Variants in EYS observed in about 807,000 individuals in gnomAD.
EYS encodes protein eyes shut homolog.
In EYS, 250 loss-of-function variants were observed where a neutral mutation model predicts 282.1. That is an observed-to-expected ratio of 0.89 (90% confidence interval 0.80 to 0.98). EYS has a LOEUF of 0.98. Among genes scored for constraint, EYS ranks in the 50% least tolerant of loss-of-function variants. EYS has a pLI of 0.00. For synonymous variants in EYS, 1,355 were observed against 1,282.9 expected (o/e 1.06, Z -1.20); for missense variants, 4,016 against 3,709.0 (o/e 1.08, Z -2.15).
Position 65,366,821 on chromosome 6 carries a change from C to G in EYS, c.1300-13204G>C, listed in dbSNP as rs148694520. 5.9e-3 allele frequency among the ~76,000 whole-genome samples: 889 copies of G among 151,634 alleles called. 17 individuals are homozygous for G. The highest frequency in any genetic ancestry group is 0.02 in the African/African-American group (848 of 41,488). ...GGGAAATCTGTTTCTTTATCTTTTT[C>G]TCAGCTTCTATTGGTAGCCTATATT... On this transcript the variant is annotated intron_variant, in intron 8 of 42. Transcript: ENST00000503581.
chr6:64,848,194 T>C (rs1295550356), intron 19 of EYS, among the ~76,000 whole-genome samples: 2 of 152,034 alleles, frequency 1.3e-5, no homozygotes, highest in Non-Finnish European at 2.9e-5. Flanking sequence ...ACGACAGCTT[T>C]CAATAGATAA....
At chr6:65,575,357 T>TAAATAAATAAATAG (rs1764626520) in intron 2 of EYS, among the ~76,000 whole-genome samples, 1 of 57,460 alleles carries the variant, frequency 1.7e-5, no homozygotes, top group Middle Eastern at 0.012. Context: ...TAAATAAATA[T>TAAATAAATAAATAG]TGATTAAAAG....
intron 24 of EYS, among the ~76,000 whole-genome samples, chr6:64,608,115 T>C (rs1465050667): frequency 2.0e-5 from 3 of 152,174 alleles, no homozygotes; most frequent in African/African-American, 7.2e-5. Context: ...GATATTGCAT[T>C]CAACAGACTG....
At chr6:65,582,849 CA>C (rs746418101) in intron 2 of EYS, among the ~76,000 whole-genome samples, 21 of 152,008 alleles carry the variant, frequency 1.4e-4, no homozygotes, top group Non-Finnish European at 2.6e-4. Flanking sequence ...ATTTTATGGA[CA>C]TTTTTTGTTT....
At position 63,999,175 on chromosome 6, in the gene EYS, G is replaced by A. The variant is rs758769842; in HGVS notation, c.6734C>T (p.Thr2245Met). 3.1e-5 allele frequency: 48 copies of A among 1,550,578 alleles called. 2 individuals are homozygous for A. In the Middle Eastern group the frequency reaches 5.0e-4, roughly 16 times the overall value. ...AFTPITIRYTTPVGSPGVVCM... is the reference protein window; with the variant it reads ...AFTPITIRYTMPVGSPGVVCM... ...AACAACTCCAGGGCTGCCAACAGGC[G>A]TTGTGTAGCTAAACGTAAAACAGAA... The change falls in exon 34 of 43, where the codon ACG becomes ATG. Residue 2245 changes from threonine to methionine, a missense_variant. Transcript: ENST00000503581.
intron 13 of EYS, among the ~76,000 whole-genome samples, chr6:65,053,935 T>G (rs2150155862): frequency 6.6e-6 from 1 of 152,136 alleles, no homozygotes; most frequent in Admixed American, 6.6e-5. Context: ...TTATGTGTAC[T>G]ATTTTTCTTT....
intron 12 of EYS, among the ~76,000 whole-genome samples, chr6:65,218,141 T>C (rs1275011469): frequency 6.6e-6 from 1 of 152,114 alleles, no homozygotes; most frequent in Non-Finnish European, 1.5e-5. Context: ...TCTTAATATT[T>C]TCCTTTAGTA....
chr6:65,206,509 G>A (rs987441072), intron 12 of EYS, among the ~76,000 whole-genome samples: 1 of 151,632 alleles, frequency 6.6e-6, no homozygotes, highest in East Asian at 1.9e-4. Flanking sequence ...ATTTGGGAAG[G>A]GATTCCTCCC....
chr6:64,120,304 G>C (rs1173525368), intron 31 of EYS, among the ~76,000 whole-genome samples: 11 of 142,348 alleles, frequency 7.7e-5, no homozygotes. Flanking sequence ...TGCAGTGAGA[G>C]GAGATCGCAC....
intron 30 of EYS, among the ~76,000 whole-genome samples, chr6:64,233,842 G>A (rs1766503809): frequency 6.6e-6 from 1 of 152,146 alleles, no homozygotes; most frequent in African/African-American, 2.4e-5. Context: ...ACTCTAGTTG[G>A]AACAGGAAAG....
At chr6:65,145,905 C>T (rs1169398544) in intron 12 of EYS, among the ~76,000 whole-genome samples, 1 of 151,718 alleles carries the variant, frequency 6.6e-6, no homozygotes, top group Non-Finnish European at 1.5e-5. Context: ...TCTAATATGA[C>T]TAGGTTTAAA....
chr6:64,860,815 G>A (rs1027949717), intron 19 of EYS, among the ~76,000 whole-genome samples: 2 of 152,206 alleles, frequency 1.3e-5, no homozygotes, highest in African/African-American at 4.8e-5. Flanking sequence ...AGGTGAAGAA[G>A]AGCTTTATTG....
At chr6:63,839,123 T>C (rs1478069658) in intron 36 of EYS, among the ~76,000 whole-genome samples, 1 of 152,224 alleles carries the variant, frequency 6.6e-6, no homozygotes, top group African/African-American at 2.4e-5. Flanking sequence ...TTGTTAATTA[T>C]AGTCACTCTG....
intron 2 of EYS, among the ~76,000 whole-genome samples, chr6:65,566,629 A>G (rs1236130159): frequency 6.6e-6 from 1 of 152,178 alleles, no homozygotes; most frequent in Non-Finnish European, 1.5e-5. Context: ...AACAAAAGTT[A>G]AAAAACAAAA....
intron 12 of EYS, among the ~76,000 whole-genome samples, chr6:65,157,088 T>C (rs772969617): frequency 6.6e-6 from 1 of 151,122 alleles, no homozygotes; most frequent in Non-Finnish European, 1.5e-5. Context: ...TTTGACTTCA[T>C]TGACTCCTTA....
intron 8 of EYS, among the ~76,000 whole-genome samples, chr6:65,381,366 A>T (rs1001496039): frequency 1.3e-5 from 2 of 152,120 alleles, no homozygotes; most frequent in Admixed American, 1.3e-4. Context: ...CAACATAGGA[A>T]CAGAAAAGCA....
At chr6:64,875,316 C>T (rs1271212556) in intron 19 of EYS, among the ~76,000 whole-genome samples, 1 of 151,982 alleles carries the variant, frequency 6.6e-6, no homozygotes, top group Non-Finnish European at 1.5e-5. Context: ...AATAACTTTG[C>T]CAGAAAGCCC....
At chr6:64,894,885 T>TA (rs1562247048) in intron 18 of EYS, among the ~76,000 whole-genome samples, 1 of 152,178 alleles carries the variant, frequency 6.6e-6, no homozygotes, top group East Asian at 1.9e-4. Context: ...TGTTTTTTTT[T>TA]ACCCACAATT....
intron 26 of EYS, among the ~76,000 whole-genome samples, chr6:64,515,121 G>T (rs1304115926): frequency 6.6e-6 from 1 of 151,572 alleles, no homozygotes; most frequent in East Asian, 1.9e-4. Context: ...AATAAAATTT[G>T]ATAGCAAATT....
Sources: gnomAD v4.1 joint callset for allele counts (sites outside exome capture counted in the v4.1 genomes callset) on GRCh38, gnomAD v4.1.1 for gene constraint, MANE v1.5 for transcripts, NCBI Gene and HGNC (gene_info 2026-07-23, HGNC 2026-07-21) for gene names.